Variants in CFAP97 observed in about 807,000 individuals in gnomAD.
The protein encoded by CFAP97 is cilia- and flagella-associated protein 97.
Under a neutral mutation model 43.1 loss-of-function variants are expected in CFAP97, and 36 were observed. The observed-to-expected ratio is 0.84, with a 90% CI of 0.64 to 1.10. The LOEUF (loss-of-function observed/expected upper bound fraction) is 1.10. CFAP97 is among the 50% of genes least tolerant of loss of function. CFAP97 has a pLI of 0.00. For missense variants in CFAP97, 657 were observed against 620.3 expected, an observed-to-expected ratio of 1.06 and a Z score of -0.63; for synonymous variants, 228 against 225.7, an observed-to-expected ratio of 1.01 and a Z score of -0.09.
chr4:185,206,660 CAAAAAAAAAAA>C (rs375061067), upstream of CFAP97, among the ~76,000 whole-genome samples: 746 of 77,452 alleles, frequency 9.6e-3, 8 homozygotes, highest in African/African-American at 0.036. Flanking sequence ...ACTCTTGTCT[CAAAAAAAAAAA>C]AAAAAAAAAA....
upstream of CFAP97, chr4:185,207,773 A>ATGGTATCCAT (rs1224517191): frequency 6.7e-6 from 1 of 150,332 alleles, no homozygotes; most frequent in Non-Finnish European, 1.5e-5. Flanking sequence ...GATGGAGATA[A>ATGGTATCCAT]TGGTATCCAT....
At chr4:185,179,910 G>A (rs1396550711) in intron 2 of CFAP97, among the ~76,000 whole-genome samples, 2 of 152,090 alleles carry the variant, frequency 1.3e-5, no homozygotes, top group African/African-American at 4.8e-5. Context: ...TTATTTTCCA[G>A]TTCTATTTTG....
chr4:185,200,664 G>C (rs1736780411), intron 1 of CFAP97, among the ~76,000 whole-genome samples: 1 of 151,650 alleles, frequency 6.6e-6, no homozygotes, highest in Non-Finnish European at 1.5e-5. Flanking sequence ...CTGGGTTGCA[G>C]TGGCACGTGC....
chr4:185,160,979 A>T lies in CFAP97; in HGVS notation c.*1819T>A, dbSNP rs1734855956. 4.0e-5 allele frequency: 6 copies of T among 150,456 alleles called. No individual in the cohort carries two copies. The allele number at this position is 150,456 out of a possible 1,614,324, so 9.3% of individuals were successfully genotyped here. A position where few individuals can be genotyped will look rare whatever the true frequency, so the allele number is the denominator to read the frequency against. ...GGAACAACTTAAAAATCAATTTTAA[A>T]AAAACTGATTAATTCACTATTGGAC... On this transcript the variant is annotated 3_prime_UTR_variant, in exon 5 of 5. Coordinates refer to ENST00000458385, the MANE Select transcript of CFAP97 (RefSeq NM_020827.3).
rs760026667 is a variant in CFAP97, at chr4:185,192,733, C to CTTTTTTTTTTTTTT, written c.-16-1535_-16-1522dup. ...CCTTCTTAAGATCAGAATTGACCTT[C>CTTTTTTTTTTTTTT]TTTTTTTTTTTTTTTTTTTTTTTTT... On this transcript the variant is annotated intron_variant, in intron 1 of 4. Transcript: ENST00000458385. 2.6e-4 allele frequency among the ~76,000 whole-genome samples: 21 copies of CTTTTTTTTTTTTTT among 81,420 alleles called. 1 individual carries two copies. The highest frequency in any genetic ancestry group is 1.0e-3 in the African/African-American group (19 of 18,354). 53.4% of individuals were successfully genotyped at this position (81,420 alleles called of 152,430 possible).
intron 1 of CFAP97, among the ~76,000 whole-genome samples, chr4:185,192,167 A>G (rs1441799191): frequency 1.3e-5 from 2 of 152,234 alleles, no homozygotes; most frequent in African/African-American, 4.8e-5. Flanking sequence ...CTTCTTTAAG[A>G]GGAACAAAAC....
chr4:185,200,334 A>G (rs1182521537), intron 1 of CFAP97, among the ~76,000 whole-genome samples: 1 of 152,222 alleles, frequency 6.6e-6, no homozygotes, highest in African/African-American at 2.4e-5. Flanking sequence ...CGTCTCTTAA[A>G]AGAAAAAACT....
At chr4:185,205,224 G>T (rs190334715), upstream of CFAP97, among the ~76,000 whole-genome samples, 4 of 152,356 alleles carry the variant, frequency 2.6e-5, no homozygotes, top group African/African-American at 9.6e-5. Context: ...GGGAGGCCGA[G>T]GCGGGTGGGG....
chr4:185,182,239 A>G (rs1735820633), intron 2 of CFAP97: 2 of 151,744 alleles, frequency 1.3e-5, no homozygotes, highest in Admixed American at 6.6e-5. Context: ...TCATACCATA[A>G]CTTGATGTCT....
intron 1 of CFAP97, among the ~76,000 whole-genome samples, chr4:185,197,215 G>A (rs1736595180): frequency 6.6e-6 from 1 of 151,382 alleles, no homozygotes; most frequent in African/African-American, 2.4e-5. Flanking sequence ...TATAAGAGAT[G>A]GATGATTACA....
chr4:185,181,576 C>T (rs930298816), intron 2 of CFAP97, among the ~76,000 whole-genome samples: 6 of 152,126 alleles, frequency 3.9e-5, no homozygotes, highest in African/African-American at 1.4e-4. Flanking sequence ...CCGCCCGCCT[C>T]GGCCTCCCAA....
At chr4:185,188,699 A>C (rs1028048671) in intron 2 of CFAP97, among the ~76,000 whole-genome samples, 3 of 120,408 alleles carry the variant, frequency 2.5e-5, no homozygotes, top group Non-Finnish European at 5.9e-5. Context: ...AATAGGATTG[A>C]TTTACTTTTT....
At chr4:185,182,138 A>G (rs964853480) in intron 2 of CFAP97, 1 of 152,060 alleles carries the variant, frequency 6.6e-6, no homozygotes, top group African/African-American at 2.4e-5. Context: ...GATTCTTTTT[A>G]AAGTGACCTA....
upstream of CFAP97, among the ~76,000 whole-genome samples, chr4:185,205,910 G>A (rs978707923): frequency 6.6e-6 from 1 of 152,102 alleles, no homozygotes; most frequent in South Asian, 2.1e-4. Flanking sequence ...ATATACCAAT[G>A]GCCAATAAAC....
At chr4:185,208,412 T>G (rs2111453473), upstream of CFAP97, among the ~76,000 whole-genome samples, 1 of 152,306 alleles carries the variant, frequency 6.6e-6, no homozygotes, top group Admixed American at 6.5e-5. Flanking sequence ...GCACTCTTCA[T>G]TTCTGACTTA....
chr4:185,198,777 G>A (rs371981713), intron 1 of CFAP97, among the ~76,000 whole-genome samples: 13 of 42,466 alleles, frequency 3.1e-4, no homozygotes, highest in African/African-American at 7.4e-4. Flanking sequence ...CAACAAGAGC[G>A]AAACTCCATC....
At chr4:185,200,154 A>G (rs964468978) in intron 1 of CFAP97, among the ~76,000 whole-genome samples, 5 of 152,230 alleles carry the variant, frequency 3.3e-5, no homozygotes, top group African/African-American at 7.2e-5. Context: ...TCTAACCCTT[A>G]TGGATAACTT....
At position 185,189,258 on chromosome 4, in the gene CFAP97, C is replaced by T. The variant is rs111642919; in HGVS notation, c.1054+885G>A. On this transcript the variant is annotated intron_variant, in intron 2 of 4. Coordinates refer to ENST00000458385, the MANE Select transcript of CFAP97 (RefSeq NM_020827.3). ...TCTCAAAAACAAAAAACAAAACCTACAAAAGTGGCAACATCAAGTGTGAAC... is the reference window on the plus strand; with the variant it reads ...TCTCAAAAACAAAAAACAAAACCTATAAAAGTGGCAACATCAAGTGTGAAC... Among the ~76,000 whole-genome samples, 3 of 152,164 alleles carry T rather than the reference C, an allele frequency of 2.0e-5. 1 individual carries two copies. The highest frequency in any genetic ancestry group is 7.2e-5 in the African/African-American group (3 of 41,524).
chr4:185,190,930 TAC>T lies in CFAP97; in HGVS notation c.265_266del (p.Val89LysfsTer16), dbSNP rs749868589. ...HPVENDVTQT[V>X]SSFSLPASSR... ...AAGAGGCTGGCAATGAGAAAGAACT[TAC>T]AGTTTGTGTAACATCATTCTCTACG... is the stretch of plus-strand genomic sequence containing the variant. On this transcript the variant is annotated frameshift_variant, in exon 2 of 5. Coordinates refer to ENST00000458385, the MANE Select transcript of CFAP97 (RefSeq NM_020827.3). LOFTEE classifies it high-confidence loss of function. The T allele has an allele frequency of 9.9e-6, 16 of 1,613,654 alleles. No individual in the cohort carries two copies. In the African/African-American group the frequency reaches 1.3e-4, roughly 13 times the overall value.
Sources: allele counts gnomAD v4.1 joint callset (sites outside exome capture counted in the v4.1 genomes callset), GRCh38; gene constraint gnomAD v4.1.1; transcripts MANE v1.5; gene names NCBI Gene and HGNC (gene_info 2026-07-23, HGNC 2026-07-21).